Variants in EPB41L3 observed in about 807,000 individuals in gnomAD.
The protein encoded by EPB41L3 is erythrocyte membrane protein band 4.1 like 3.
A neutral mutation model predicts 127.1 loss-of-function variants in EPB41L3; 57 were observed. That is an observed-to-expected ratio of 0.45 (90% CI 0.36 to 0.56). The LOEUF is 0.56. Among genes scored for constraint, EPB41L3 ranks in the 20% least tolerant of loss-of-function variants. The pLI is 0.00. For synonymous variants in EPB41L3, 572 were observed against 549.5 expected (o/e 1.04, Z -0.57); for missense variants, 1,273 against 1,372.2 (o/e 0.93, Z 1.14).
chr18:5,471,168 T>C (rs1346917730), intron 3 of EPB41L3, among the ~76,000 whole-genome samples: 2 of 152,190 alleles, frequency 1.3e-5, no homozygotes, highest in African/African-American at 2.4e-5. Context: ...CTTTCTGTTA[T>C]ACTGTCTGTC....
At chr18:5,548,660 CAG>C (rs2093920313), upstream of EPB41L3, among the ~76,000 whole-genome samples, 1 of 133,940 alleles carries the variant, frequency 7.5e-6, no homozygotes, top group African/African-American at 3.2e-5. Flanking sequence ...AAATAAGTCT[CAG>C]TACTTTTAAA....
At chr18:5,432,128 C>G (rs963962832) in intron 8 of EPB41L3, among the ~76,000 whole-genome samples, 74 of 152,150 alleles carry the variant, frequency 4.9e-4, no homozygotes, top group African/African-American at 1.7e-3. Flanking sequence ...GATTCAAGGG[C>G]CACTATTCTC....
upstream of EPB41L3, chr18:5,544,223 G>T (rs954201680): frequency 3.0e-6 from 3 of 985,510 alleles, no homozygotes; most frequent in African/African-American, 1.7e-5. Context: ...CTGGCGCAGG[G>T]TCAGGCTCCG....
chr18:5,407,823 A>C, intron 14 of EPB41L3, 87 bp from the exon 15 acceptor site: 1 of 1,292,656 alleles, frequency 7.7e-7, no homozygotes, highest in Non-Finnish European at 1.1e-6. Flanking sequence ...TAGACTTGCT[A>C]AATGTGGGCA....
intron 4 of EPB41L3, among the ~76,000 whole-genome samples, chr18:5,444,518 A>G (rs1814902088): frequency 6.6e-6 from 1 of 152,174 alleles, no homozygotes; most frequent in African/African-American, 2.4e-5. Flanking sequence ...CCTTTTCTGT[A>G]TTTCTCAGGT....
chr18:5,529,930 G>GTA (rs1555788438), intron 1 of EPB41L3, among the ~76,000 whole-genome samples: 1 of 38,944 alleles, frequency 2.6e-5, no homozygotes, highest in African/African-American at 9.0e-5. Flanking sequence ...ACTCATATAT[G>GTA]TGTGTGTGTG....
intron 3 of EPB41L3, among the ~76,000 whole-genome samples, chr18:5,554,351 A>T (rs1360805330): frequency 1.3e-5 from 2 of 152,218 alleles, no homozygotes. Flanking sequence ...AAAAGCTCAG[A>T]GATTATAAAA....
At chr18:5,484,317 T>TA (rs765771456) in intron 2 of EPB41L3, among the ~76,000 whole-genome samples, 16 of 149,666 alleles carry the variant, frequency 1.1e-4, no homozygotes, top group South Asian at 6.4e-4. Flanking sequence ...AAATACAAGA[T>TA]AAAAAATCTG....
In EPB41L3 at chr18:5,504,854, T is replaced by G. The variant is rs1346504653; in HGVS notation, c.-11-15660A>C. Among the ~76,000 whole-genome samples, 3 of 152,284 alleles carry G rather than the reference T, an allele frequency of 2.0e-5. No homozygotes were observed. In the East Asian group the frequency reaches 5.8e-4, roughly 29 times the overall value. On this transcript the variant is annotated intron_variant, in intron 1 of 22. Coordinates refer to ENST00000341928, the MANE Select transcript of EPB41L3 (RefSeq NM_012307.5). ...CCACACGAGCTTCAACAGTCATGAA[T>G]GACCCAATGACCTGCAGTGCTCCAG...
At chr18:5,453,399 G>A (rs1413136749) in intron 3 of EPB41L3, among the ~76,000 whole-genome samples, 1 of 152,148 alleles carries the variant, frequency 6.6e-6, no homozygotes, top group African/African-American at 2.4e-5. Context: ...GGAAGGAATG[G>A]GGTTCCTGCA....
At chr18:5,610,352 A>C in intron 3 of EPB41L3, 1 of 924,704 alleles carries the variant, frequency 1.1e-6, no homozygotes, top group Non-Finnish European at 1.3e-6. Flanking sequence ...CCCCACTGCC[A>C]ATACAGTGGG....
At chr18:5,404,183 T>C (rs1163890617) in intron 16 of EPB41L3, among the ~76,000 whole-genome samples, 1 of 152,124 alleles carries the variant, frequency 6.6e-6, no homozygotes, top group Non-Finnish European at 1.5e-5. Context: ...CCTAAAGAGA[T>C]CCCTTTTCCC....
At chr18:5,610,702 AAAG>A (rs36035338) in intron 3 of EPB41L3, among the ~76,000 whole-genome samples, 61,312 of 151,812 alleles carry the variant, frequency 0.4, 13,896 homozygotes, top group East Asian at 0.72. Context: ...ACACACTCAC[AAAG>A]AATATAAATT....
chr18:5,498,933 C>T (rs2091467947), intron 1 of EPB41L3, among the ~76,000 whole-genome samples: 1 of 152,186 alleles, frequency 6.6e-6, no homozygotes, highest in South Asian at 2.1e-4. Flanking sequence ...AAACTTTAAA[C>T]AAATCTGATC....
chr18:5,628,367 G>C (rs530648857), intron 1 of EPB41L3, among the ~76,000 whole-genome samples: 32 of 152,360 alleles, frequency 2.1e-4, no homozygotes, highest in Non-Finnish European at 4.1e-4. Flanking sequence ...AGGGAATTAC[G>C]AGGGAGTTGC....
intron 3 of EPB41L3, among the ~76,000 whole-genome samples, chr18:5,477,567 CT>C: frequency 6.6e-6 from 1 of 152,286 alleles, no homozygotes; most frequent in African/African-American, 2.4e-5. Context: ...TGCGTGAATC[CT>C]CCCTGATACT....
At chr18:5,612,717 G>A (rs2094742354) in intron 2 of EPB41L3, among the ~76,000 whole-genome samples, 1 of 152,210 alleles carries the variant, frequency 6.6e-6, no homozygotes, top group African/African-American at 2.4e-5. Context: ...ATGGAGGTAA[G>A]CATAAATATC....
chr18:5,446,264 TATC>T (rs2081463499), intron 3 of EPB41L3, among the ~76,000 whole-genome samples: 1 of 152,334 alleles, frequency 6.6e-6, no homozygotes, highest in South Asian at 2.1e-4. Context: ...ATACTTGAGT[TATC>T]ATATATAAAT....
At chr18:5,562,413 G>A (rs967703494) in intron 3 of EPB41L3, among the ~76,000 whole-genome samples, 21 of 152,176 alleles carry the variant, frequency 1.4e-4, no homozygotes, top group African/African-American at 4.1e-4. Flanking sequence ...AGTAGGGATC[G>A]TAAGTAGCTT....
Sources: allele counts gnomAD v4.1 joint callset (sites outside exome capture counted in the v4.1 genomes callset), GRCh38; gene constraint gnomAD v4.1.1; transcripts MANE v1.5; gene names NCBI Gene and HGNC (gene_info 2026-07-23, HGNC 2026-07-21).